CNDP1: variants seen among roughly 807,000 people sequenced by gnomAD.
The protein encoded by CNDP1 is beta-Ala-His dipeptidase.
A neutral mutation model predicts 58.1 loss-of-function variants in CNDP1; 44 were observed. That is an observed-to-expected ratio of 0.76 (90% confidence interval 0.60 to 0.97). The LOEUF is 0.97. Ranked by LOEUF, CNDP1 falls within the 50% of genes least tolerant of loss-of-function variation. The pLI, the probability that CNDP1 is intolerant of heterozygous loss-of-function variation, is 0.00. For synonymous variants in CNDP1, 254 were observed against 252.6 expected (o/e 1.01, Z -0.05); for missense variants, 616 against 655.1 (o/e 0.94, Z 0.65).
At position 74,552,155 on chromosome 18, in the gene CNDP1, G is replaced by A. The variant is rs780932520; in HGVS notation, c.25-4183G>A. ...GGCTCATCAGCACCACCTACTGGAC[G>A]CAGTTCTTACCTTGACCTTGCTTTT... On this transcript the variant is annotated intron_variant, in intron 1 of 11. Coordinates refer to ENST00000358821, the MANE Select transcript of CNDP1 (RefSeq NM_032649.6). Among the ~76,000 whole-genome samples, 24 of 152,188 alleles carry A rather than the reference G, an allele frequency of 1.6e-4. 1 individual carries two copies. The highest frequency in any genetic ancestry group is 1.5e-5 in the Non-Finnish European group (1 of 68,032).
At chr18:74,536,086 T>C (rs1275180122) in intron 1 of CNDP1, among the ~76,000 whole-genome samples, 3 of 152,216 alleles carry the variant, frequency 2.0e-5, no homozygotes, top group African/African-American at 7.2e-5. Flanking sequence ...CCCTTTGATA[T>C]GAAAGAGAGG....
intron 2 of CNDP1, 33 bp from the exon 3 acceptor site, chr18:74,559,290 C>G: frequency 6.2e-7 from 1 of 1,613,190 alleles, no homozygotes; most frequent in Non-Finnish European, 8.5e-7. Context: ...TGTGGGACCC[C>G]AATGCTAATG....
rs369965808 is a variant in CNDP1, at chr18:74,580,260, C to T, written c.1298C>T (p.Ala433Val). 1.2e-6 allele frequency: 2 copies of T among 1,613,978 alleles called. No individual in the cohort carries two copies. Among genetic ancestry groups the T allele is most frequent in the African/African-American group, 1.3e-5 (1 of 74,906 alleles). Residue 433 changes from alanine (A) to valine (V), a missense_variant, in exon 10 of 12, where the codon GCG becomes GTG. Ala to Val is a moderately conservative substitution (Grantham distance 64). Transcript: ENST00000358821. ...ACCCAGTATCTCGCAGCAAAAAGAG[C>T]GATCAGAACAGGTGGGACCTTAAGA... ...DDTQYLAAKR[A>V]IRTVFGTEPD...
intron 2 of CNDP1, among the ~76,000 whole-genome samples, chr18:74,559,047 A>T (rs1404243722): frequency 6.6e-6 from 1 of 152,124 alleles, no homozygotes; most frequent in Non-Finnish European, 1.5e-5. Flanking sequence ...TGGTGAACGC[A>T]GTGAGGACCC....
chr18:74,562,088 G>A lies in CNDP1; in HGVS notation c.508G>A (p.Val170Ile). The change falls in exon 5 of 12, where the codon GTC (valine) becomes ATC (isoleucine). Residue 170 changes from valine (V) to isoleucine (I), a missense_variant. Physicochemically the swap from Val to Ile is conservative, Grantham distance 29. Coordinates refer to ENST00000358821, the MANE Select transcript of CNDP1 (RefSeq NM_032649.6). ...GRGATDNKGP[V>I]LAWINAVSAF... ...AGGAGCGACCGACAACAAAGGCCCT[G>A]TCTTGGCTTGGATCAATGCTGTGAG... The A allele has an allele frequency of 6.2e-7, 1 of 1,614,172 alleles. No homozygotes were observed. Among genetic ancestry groups the A allele is most frequent in the Non-Finnish European group, 8.5e-7 (1 of 1,180,012 alleles).
At chr18:74,569,538 C>T (rs1028521438) in intron 6 of CNDP1, among the ~76,000 whole-genome samples, 7 of 152,146 alleles carry the variant, frequency 4.6e-5, no homozygotes, top group Admixed American at 1.3e-4. Context: ...GAAGGTCAGA[C>T]CTCCAGGGAT....
chr18:74,583,442 A>C, intron 10 of CNDP1, 119 bp from the exon 11 acceptor site: 2 of 835,936 alleles, frequency 2.4e-6, no homozygotes, highest in Non-Finnish European at 3.8e-6. Context: ...CTAATGGTAA[A>C]AAAAGAAAGA....
intron 5 of CNDP1, among the ~76,000 whole-genome samples, chr18:74,562,526 T>A (rs1257350691): frequency 6.6e-6 from 1 of 152,232 alleles, no homozygotes; most frequent in Non-Finnish European, 1.5e-5. Context: ...TTTCTTCTTA[T>A]CACAAAGTAT....
intron 7 of CNDP1, among the ~76,000 whole-genome samples, chr18:74,575,908 C>T (rs1233084851): frequency 7.9e-6 from 1 of 127,258 alleles, no homozygotes; most frequent in African/African-American, 3.0e-5. Context: ...CTCGCTTTGT[C>T]GCCCAGGTGG....
chr18:74,580,778 G>A (rs898519674), intron 10 of CNDP1, among the ~76,000 whole-genome samples: 2 of 152,114 alleles, frequency 1.3e-5, no homozygotes, highest in Non-Finnish European at 2.9e-5. Flanking sequence ...GACCAGCCTG[G>A]GCAATATGGT....
intron 10 of CNDP1, among the ~76,000 whole-genome samples, 153 bp from the exon 11 acceptor site, chr18:74,583,408 C>T (rs1482237656): frequency 1.3e-5 from 2 of 152,082 alleles, no homozygotes; most frequent in East Asian, 3.9e-4. Context: ...TATCAAGGGG[C>T]TTCCTTACCC....
intron 2 of CNDP1, 54 bp from the exon 3 acceptor site, chr18:74,559,269 C>T (rs12605520): frequency 0.35 from 552,573 of 1,596,032 alleles, 98,464 homozygotes; most frequent in Middle Eastern, 0.42. Context: ...TCGCTCCCCC[C>T]GCAGAGCAGA....
At chr18:74,580,002 G>T in intron 9 of CNDP1, 128 bp from the exon 10 acceptor site, 1 of 792,746 alleles carries the variant, frequency 1.3e-6, no homozygotes. Context: ...TGTCAGGCTG[G>T]GGCTTCAGTT....
chr18:74,550,632 A>G (rs1980877533), intron 1 of CNDP1, among the ~76,000 whole-genome samples: 1 of 149,420 alleles, frequency 6.7e-6, no homozygotes. Flanking sequence ...GCTGGAGTGC[A>G]GTGGTGTGAT....
intron 6 of CNDP1, among the ~76,000 whole-genome samples, chr18:74,567,847 GT>G (rs896249015): frequency 5.3e-5 from 8 of 152,204 alleles, no homozygotes; most frequent in African/African-American, 1.9e-4. Context: ...CCCCAGTGCC[GT>G]GGTCACAGGG....
intron 9 of CNDP1, among the ~76,000 whole-genome samples, chr18:74,579,165 CTCTCCCTTCTCCCT>C (rs1182912102): frequency 1.3e-5 from 2 of 148,602 alleles, no homozygotes; most frequent in Non-Finnish European, 3.0e-5. Flanking sequence ...TCTCCTCCCT[CTCTCCCTTCTCCCT>C]TCTCCCTTTC....
At chr18:74,549,967 G>C (rs1460823624) in intron 1 of CNDP1, among the ~76,000 whole-genome samples, 1 of 152,226 alleles carries the variant, frequency 6.6e-6, no homozygotes, top group Admixed American at 6.5e-5. Context: ...AGGGAGGCTT[G>C]CCAGCCTCTA....
chr18:74,562,073 G>A lies in CNDP1; in HGVS notation c.493G>A (p.Asp165Asn), dbSNP rs146707393. ...GAAACTTTATGGACGAGGAGCGACC[G>A]ACAACAAAGGCCCTGTCTTGGCTTG... The part of the protein sequence containing the change: ...DGKLYGRGAT[D>N]NKGPVLAWIN... Residue 165 changes from aspartate (D) to asparagine (N), a missense_variant, in exon 5 of 12, where the codon GAC (aspartate) becomes AAC (asparagine). By Grantham distance (23) the Asp-to-Asn change is conservative (BLOSUM62 1). Transcript: ENST00000358821. 1.4e-4 allele frequency: 234 copies of A among 1,614,060 alleles called. No homozygotes were observed. The African/African-American group carries it at 2.1e-3, about 14-fold the overall frequency.
Position 74,552,135 on chromosome 18 carries a change from A to C in CNDP1, c.25-4203A>C, listed in dbSNP as rs577311824. ...TAGCCAGGGAGTTCATGAGTGGCTC[A>C]TCAGCACCACCTACTGGACGCAGTT... On this transcript the variant is annotated intron_variant, in intron 1 of 11. Transcript: ENST00000358821. Among the ~76,000 whole-genome samples, 44 of 152,354 alleles carry C rather than the reference A, an allele frequency of 2.9e-4. No individual in the cohort carries two copies. The South Asian group carries it at 7.9e-3, about 27-fold the overall frequency.
Sources: gnomAD v4.1 joint callset for allele counts (sites outside exome capture counted in the v4.1 genomes callset) on GRCh38, gnomAD v4.1.1 for gene constraint, MANE v1.5 for transcripts, NCBI Gene and HGNC (gene_info 2026-07-23, HGNC 2026-07-21) for gene names.